Variants in ITPR1 observed in about 807,000 individuals in gnomAD.
ITPR1 encodes the protein inositol 1,4,5-trisphosphate receptor type 1.
ITPR1 carries 96 observed loss-of-function variants against 318.4 expected under a neutral mutation model. The ratio of observed to expected loss-of-function variants is 0.30; its 90% CI spans 0.26 to 0.36. The LOEUF (loss-of-function observed/expected upper bound fraction) is 0.36, where lower values mean the gene tolerates loss of function less well. Ranked by LOEUF, ITPR1 falls within the 10% of genes least tolerant of loss-of-function variation. ITPR1 has a pLI of 1.00. For missense variants in ITPR1, 2,440 were observed against 3,460.2 expected (o/e 0.71, Z 7.40); for synonymous variants, 1,312 against 1,289.9 (o/e 1.02, Z -0.37).
chr3:4,796,843 A>G (rs758819554), intron 53 of ITPR1, among the ~76,000 whole-genome samples: 3 of 152,238 alleles, frequency 2.0e-5, no homozygotes, highest in Non-Finnish European at 4.4e-5. Context: ...AGATGTTTAC[A>G]TTAAGCCCAT....
intron 5 of ITPR1, among the ~76,000 whole-genome samples, chr3:4,638,860 A>G (rs2125148068): frequency 6.6e-6 from 1 of 152,312 alleles, no homozygotes; most frequent in South Asian, 2.1e-4. Flanking sequence ...ACAGTGTATC[A>G]GGTACCGTGC....
At chr3:4,675,763 G>A (rs2094171797) in intron 23 of ITPR1, among the ~76,000 whole-genome samples, 1 of 152,202 alleles carries the variant, frequency 6.6e-6, no homozygotes, top group Non-Finnish European at 1.5e-5. Context: ...TAGGGTCAGA[G>A]TAGGCAGATA....
chr3:4,745,108 T>C (rs188253952), intron 44 of ITPR1, among the ~76,000 whole-genome samples: 1 of 149,438 alleles, frequency 6.7e-6, no homozygotes, highest in African/African-American at 2.5e-5. Context: ...TCTTTTTTTT[T>C]TCTTTCCCTC....
intron 2 of ITPR1, among the ~76,000 whole-genome samples, chr3:4,498,768 T>G (rs962882470): frequency 6.6e-6 from 1 of 152,174 alleles, no homozygotes; most frequent in African/African-American, 2.4e-5. Context: ...GGAGAGCAAA[T>G]TGTAAGAACA....
At chr3:4,672,012 A>G (rs1286471844) in intron 20 of ITPR1, among the ~76,000 whole-genome samples, 1 of 152,222 alleles carries the variant, frequency 6.6e-6, no homozygotes, top group South Asian at 2.1e-4. Context: ...GTTAATAGAG[A>G]TTAATCCATT....
At chr3:4,811,491 G>A in intron 56 of ITPR1, 31 bp downstream of exon 56, 11 of 1,539,906 alleles carry the variant, frequency 7.1e-6, no homozygotes, top group Non-Finnish European at 9.8e-6. Flanking sequence ...TCTTTTTAAT[G>A]CTAAAAGATT....
chr3:4,493,890 T>TC (rs1395603925), intron 1 of ITPR1, among the ~76,000 whole-genome samples: 2 of 150,446 alleles, frequency 1.3e-5, no homozygotes, highest in Admixed American at 6.6e-5. Flanking sequence ...ATAGTTCTTT[T>TC]TTTTTTTTTT....
At chr3:4,659,509 C>A (rs2093786890) in intron 13 of ITPR1, among the ~76,000 whole-genome samples, 1 of 151,878 alleles carries the variant, frequency 6.6e-6, no homozygotes, top group Non-Finnish European at 1.5e-5. Flanking sequence ...CATGACAAAA[C>A]CCCGACTCTA....
At chr3:4,660,888 A>T in intron 13 of ITPR1, 100 bp from the exon 14 acceptor site, 1 of 599,696 alleles carries the variant, frequency 1.7e-6, no homozygotes, top group Non-Finnish European at 2.8e-6. Context: ...GTAGGAAACC[A>T]CTTTGCTATT....
intron 60 of ITPR1, among the ~76,000 whole-genome samples, chr3:4,834,017 G>A (rs983765490): frequency 6.6e-6 from 1 of 152,086 alleles, no homozygotes; most frequent in Non-Finnish European, 1.5e-5. Context: ...CCAGCTTCCC[G>A]AGTGGCTAGG....
intron 2 of ITPR1, among the ~76,000 whole-genome samples, chr3:4,509,845 A>G (rs2081667456): frequency 6.6e-6 from 1 of 152,204 alleles, no homozygotes; most frequent in South Asian, 2.1e-4. Context: ...ATACAATAGC[A>G]CTAAAGTGAC....
At chr3:4,610,524 C>T (rs912863485) in intron 4 of ITPR1, among the ~76,000 whole-genome samples, 1 of 152,058 alleles carries the variant, frequency 6.6e-6, no homozygotes, top group African/African-American at 2.4e-5. Flanking sequence ...TTCTGAATGC[C>T]CTTTTGTAGA....
intron 52 of ITPR1, among the ~76,000 whole-genome samples, chr3:4,790,326 T>A (rs2047473511): frequency 1.3e-5 from 2 of 152,200 alleles, no homozygotes; most frequent in African/African-American, 4.8e-5. Context: ...TAAGATGACC[T>A]AATTGATGGA....
At chr3:4,839,910 A>G (rs1048790703) in intron 61 of ITPR1, among the ~76,000 whole-genome samples, 2 of 152,012 alleles carry the variant, frequency 1.3e-5, no homozygotes, top group Admixed American at 1.3e-4. Flanking sequence ...TTCTTGGAAG[A>G]TATTATAAGT....
chr3:4,671,992 A>G (rs1249247709), intron 20 of ITPR1, among the ~76,000 whole-genome samples: 1 of 152,240 alleles, frequency 6.6e-6, no homozygotes, highest in African/African-American at 2.4e-5. Flanking sequence ...GCCATATTGA[A>G]TATATCTGCG....
At chr3:4,561,288 G>GACGACGTGGAATTT (rs1169564318) in intron 4 of ITPR1, among the ~76,000 whole-genome samples, 1 of 152,164 alleles carries the variant, frequency 6.6e-6, no homozygotes, top group African/African-American at 2.4e-5. Context: ...AATGGAGAAG[G>GACGACGTGGAATTT]ACGACGTGGA....
chr3:4,771,673 C>T (rs1165686139), intron 46 of ITPR1, among the ~76,000 whole-genome samples: 2 of 152,014 alleles, frequency 1.3e-5, no homozygotes, highest in Non-Finnish European at 2.9e-5. Context: ...ACTCGTTCCT[C>T]AGTGCATTGC....
intron 44 of ITPR1, among the ~76,000 whole-genome samples, chr3:4,759,520 C>G (rs2045279303): frequency 1.3e-5 from 2 of 152,130 alleles, no homozygotes; most frequent in Non-Finnish European, 1.5e-5. Flanking sequence ...AAGTCTCTTT[C>G]CCTTTCTGGG....
chr3:4,801,800 T>A (rs536608691), intron 54 of ITPR1, among the ~76,000 whole-genome samples: 103 of 151,708 alleles, frequency 6.8e-4, no homozygotes, highest in Middle Eastern at 3.4e-3. Context: ...AAATAATTTT[T>A]AAAAAAAAGG....
Sources: allele counts gnomAD v4.1 joint callset (sites outside exome capture counted in the v4.1 genomes callset), GRCh38; gene constraint gnomAD v4.1.1; transcripts MANE v1.5; gene names NCBI Gene and HGNC (gene_info 2026-07-23, HGNC 2026-07-21).